Variants in ECM1 observed in about 807,000 individuals in gnomAD.
The protein encoded by ECM1 is extracellular matrix protein 1, also known as secretory component p85.
Under a neutral mutation model 57.9 loss-of-function variants are expected in ECM1, and 54 were observed. The ratio of observed to expected loss-of-function variants is 0.93; its 90% CI spans 0.75 to 1.17. The LOEUF is 1.17. Among genes scored for constraint, ECM1 ranks in the 50% most tolerant of loss-of-function variants. The pLI is 0.00. For synonymous variants in ECM1, 237 were observed against 259.1 expected, an observed-to-expected ratio of 0.91 and a Z score of 0.82; for missense variants, 649 against 688.1, an observed-to-expected ratio of 0.94 and a Z score of 0.64.
At chr1:150,509,260 C>T (rs1670364945) in intron 1 of ECM1, 1 of 552,688 alleles carries the variant, frequency 1.8e-6, no homozygotes, top group Non-Finnish European at 3.3e-6. Flanking sequence ...CCTCCCCAAT[C>T]CCGTATGCCA....
In ECM1 at chr1:150,512,542, T is replaced by A. The variant is rs367857842; in HGVS notation, c.1274T>A (p.Leu425His). Residue 425 changes from leucine to histidine, a missense_variant, in exon 8 of 10, where the codon CTC (leucine) becomes CAC (histidine). Transcript: ENST00000369047. ...GTCACCCCCAACCTCATGGGCCACC[T>A]CTGTGGAAACCAAAGAGTTCTCACC... Reference protein sequence around the residue: ...GRVTPNLMGHLCGNQRVLTKH... With the variant: ...GRVTPNLMGHHCGNQRVLTKH... 1 of 1,613,684 alleles carries A rather than the reference T, an allele frequency of 6.2e-7. No individual in the cohort carries two copies. Among genetic ancestry groups the A allele is most frequent in the African/African-American group, 1.3e-5 (1 of 74,752 alleles).
At chr1:150,512,265 A>G in intron 7 of ECM1, 87 bp from the exon 8 acceptor site, 1 of 1,449,314 alleles carries the variant, frequency 6.9e-7, no homozygotes, top group Non-Finnish European at 9.6e-7. Flanking sequence ...CCCCTCATCT[A>G]GTTGCCAGGG....
Position 150,512,401 on chromosome 1 carries a change from C to T in ECM1, c.1133C>T (p.Thr378Ile). 2.5e-6 allele frequency: 4 copies of T among 1,613,374 alleles called. No individual in the cohort carries two copies. The highest frequency in any genetic ancestry group is 3.4e-6 in the Non-Finnish European group (4 of 1,179,904). Residue 378 changes from threonine (T) to isoleucine (I), a missense_variant, in exon 8 of 10, where the codon ACC (threonine) becomes ATC (isoleucine). By Grantham distance (89) the Thr-to-Ile change is moderately conservative. Transcript: ENST00000369047. ...TGTGACCGGGAGTATGCTGTGAAGACCCACCACCACTTGTGTTGCCGCCAC... is the reference window on the plus strand; with the variant it reads ...TGTGACCGGGAGTATGCTGTGAAGATCCACCACCACTTGTGTTGCCGCCAC... The part of the protein sequence containing the change: ...KYCDREYAVK[T>I]HHHLCCRHPP...
rs1386938083 is a variant in ECM1, at chr1:150,509,748, A to G, written c.209A>G (p.Glu70Gly). 6.4e-7 allele frequency: 1 copy of G among 1,561,046 alleles called. No individual in the cohort carries two copies. Among genetic ancestry groups the G allele is most frequent in the Non-Finnish European group, 8.7e-7 (1 of 1,149,208 alleles). ...PDSSQHGPPF[E>G]GQSQVQPPPS... The stretch of plus-strand genomic sequence containing the variant: ...TCCTCTCAGCATGGCCCTCCCTTTG[A>G]GGGACAGAGTCAAGGTAAGGTCACC... Residue 70 changes from glutamate to glycine, a missense_variant, in exon 3 of 10, where the codon GAG becomes GGG. Coordinates refer to ENST00000369047, the MANE Select transcript of ECM1 (RefSeq NM_004425.4).
chr1:150,512,240 C>T, intron 7 of ECM1, 112 bp from the exon 8 acceptor site: 3 of 1,245,190 alleles, frequency 2.4e-6, no homozygotes, highest in Non-Finnish European at 3.5e-6. Flanking sequence ...CCCTTTGGGC[C>T]TCTCGGGCTG....
At chr1:150,510,702 C>G in intron 5 of ECM1, 174 bp from the exon 6 acceptor site, 2 of 742,050 alleles carry the variant, frequency 2.7e-6, no homozygotes, top group South Asian at 1.7e-5. Context: ...CACCTCGCTT[C>G]TCTTTTCCTT....
At position 150,513,485 on chromosome 1, in the gene ECM1, G is replaced by A; in HGVS notation, c.*18G>A. ...AAGAATGAGTCACCCCAGAGCCCTA[G>A]AGGGTCAGATGGGGGGAACCCCACC... is the stretch of plus-strand genomic sequence containing the variant. On this transcript the variant is annotated 3_prime_UTR_variant, in exon 10 of 10. Transcript: ENST00000369047. The A allele has an allele frequency of 2.5e-6, 4 of 1,608,488 alleles. No homozygotes were observed. Among genetic ancestry groups the A allele is most frequent in the Non-Finnish European group, 3.4e-6 (4 of 1,177,870 alleles).
In ECM1 at chr1:150,513,335, C is replaced by T. The variant is rs1489450560; in HGVS notation, c.1491C>T (p.Asn497=). 1 of 1,614,272 alleles carries T rather than the reference C, an allele frequency of 6.2e-7. No homozygotes were observed. Among genetic ancestry groups the T allele is most frequent in the Non-Finnish European group, 8.5e-7 (1 of 1,180,036 alleles). The change falls in exon 10 of 10, where the codon AAC becomes AAT. Residue 497 remains asparagine, a synonymous_variant. Coordinates refer to ENST00000369047, the MANE Select transcript of ECM1 (RefSeq NM_004425.4). ...TGAGTCCTGGGGATGAACAGGTCAA[C>T]TGCTTCAACATCAATTATCTGAGGA... The part of the protein sequence containing the change: ...CYLSPGDEQV[N]CFNINYLRNV...
At chr1:150,513,171 G>A (rs1408163450) in intron 9 of ECM1, 66 bp from the exon 10 acceptor site, 10 of 1,539,394 alleles carry the variant, frequency 6.5e-6, no homozygotes, top group Non-Finnish European at 9.0e-6. Flanking sequence ...TGGCACCCAA[G>A]TATCTACATC....
intron 5 of ECM1, 34 bp downstream of exon 5, chr1:150,510,216 A>G: frequency 6.3e-7 from 1 of 1,597,098 alleles, no homozygotes; most frequent in Non-Finnish European, 8.6e-7. Context: ...ACCCACCTTT[A>G]CCTCATGGCC....
At position 150,513,681 on chromosome 1, in the gene ECM1, C is replaced by T. The variant is rs952536282; in HGVS notation, c.*214C>T. The T allele has an allele frequency of 1.3e-5, 7 of 529,520 alleles. No individual in the cohort carries two copies. The African/African-American group carries it at 1.3e-4, about 10-fold the overall frequency. The allele number at this position is 529,520 out of a possible 1,614,324, so 32.8% of individuals were successfully genotyped here. On this transcript the variant is annotated 3_prime_UTR_variant, in exon 10 of 10. Transcript: ENST00000369047. ...AGACAAACACACCCTCCTAAGCCTG[C>T]TTGTATTTCCTTCAGTGCCTGGCCC...
intron 1 of ECM1, chr1:150,509,178 G>A (rs769387172): frequency 1.0e-5 from 4 of 381,498 alleles, no homozygotes; most frequent in African/African-American, 4.1e-5. Flanking sequence ...AGCTAGAGAC[G>A]CATCCCAGCA....
At position 150,509,247 on chromosome 1, in the gene ECM1, C is replaced by T. The variant is rs1033433557; in HGVS notation, c.71-284C>T. On this transcript the variant is annotated intron_variant, in intron 1 of 9. Coordinates refer to ENST00000369047, the MANE Select transcript of ECM1 (RefSeq NM_004425.4). ...AAAGACTGGCAGAGGAAATGAGGGC[C>T]TCCCTCCCCAATCCCGTATGCCATA... 6 of 527,014 alleles carry T rather than the reference C, an allele frequency of 1.1e-5. No homozygotes were observed. The Admixed American group carries it at 1.9e-4, about 17-fold the overall frequency. 32.6% of individuals were successfully genotyped at this position (527,014 alleles called of 1,614,324 possible). A position where few individuals can be genotyped will look rare whatever the true frequency, so the allele number is the denominator to read the frequency against.
intron 9 of ECM1, 37 bp downstream of exon 9, chr1:150,512,849 G>A: frequency 6.2e-7 from 1 of 1,603,406 alleles, no homozygotes; most frequent in East Asian, 2.2e-5. Context: ...AGGAATGCAG[G>A]GGAGGGGAGG....
rs756418996 is a variant in ECM1 at position 150,511,656 on chromosome 1, T to G, written c.908T>G (p.Val303Gly). ...SGLELPFPPG[V>G]PTLDNIKNIC... The stretch of plus-strand genomic sequence containing the variant: ...CTTGAGCTGCCTTTCCCTCCTGGGG[T>G]GCCCACATTGGACAATATCAAGAAC... The change falls in exon 7 of 10, where the codon GTG becomes GGG. Residue 303 changes from valine (V) to glycine (G), a missense_variant. Physicochemically the swap from Val to Gly is moderately radical, Grantham distance 109. Coordinates refer to ENST00000369047, the MANE Select transcript of ECM1 (RefSeq NM_004425.4). 13 of 1,614,034 alleles carry G rather than the reference T, an allele frequency of 8.1e-6. No individual in the cohort carries two copies. Among genetic ancestry groups the G allele is most frequent in the South Asian group, 1.1e-5 (1 of 91,086 alleles).
At chr1:150,509,872 G>T in intron 3 of ECM1, 50 bp from the exon 4 acceptor site, 1 of 1,613,950 alleles carries the variant, frequency 6.2e-7, no homozygotes, top group South Asian at 1.1e-5. Context: ...CCCACTCCCA[G>T]CCCTGGCTAG....
intron 9 of ECM1, 111 bp from the exon 10 acceptor site, chr1:150,513,126 G>T: frequency 8.6e-7 from 1 of 1,162,038 alleles, no homozygotes; most frequent in Non-Finnish European, 1.3e-6. Flanking sequence ...GGGGAACGAG[G>T]GAGAGAGCAG....
Position 150,511,690 on chromosome 1 carries a change from C to T in ECM1, c.942C>T (p.His314=). 1 of 1,614,112 alleles carries T rather than the reference C, an allele frequency of 6.2e-7. No homozygotes were observed. The change falls in exon 7 of 10, where the codon CAC becomes CAT. Residue 314 remains histidine (H), a synonymous_variant. Transcript: ENST00000369047. The part of the protein sequence containing the change: ...PTLDNIKNIC[H]LRRFRSVPRN... Reference sequence around the variant, plus strand: ...TGGACAATATCAAGAACATCTGCCACCTGAGGCGCTTCCGCTCTGTGCCAC... The same window carrying T: ...TGGACAATATCAAGAACATCTGCCATCTGAGGCGCTTCCGCTCTGTGCCAC...
Position 150,512,580 on chromosome 1 carries a change from G to C in ECM1, c.1304+8G>C, listed in dbSNP as rs1670474065. 6.2e-7 allele frequency: 1 copy of C among 1,612,928 alleles called. No homozygotes were observed. The stretch of plus-strand genomic sequence containing the variant: ...AAGAGTTCTCACCAAGCAGTAAGTT[G>C]CCTAGTCCTTCCCCACTCTCTTCCT... On this transcript the variant is annotated splice_region_variant and intron_variant, in intron 8 of 9. Transcript: ENST00000369047.
Sources: gnomAD v4.1 joint callset for allele counts on GRCh38, gnomAD v4.1.1 for gene constraint, MANE v1.5 for transcripts, NCBI Gene and HGNC (gene_info 2026-07-23, HGNC 2026-07-21) for gene names.